Variants in PEX5L observed in about 807,000 individuals in gnomAD.
PEX5L encodes the protein peroxisomal biogenesis factor 5 like.
A neutral mutation model predicts 84.0 loss-of-function variants in PEX5L; 30 were observed. The observed-to-expected ratio is 0.36, with a 90% CI of 0.27 to 0.48. PEX5L has a LOEUF of 0.48. Among genes scored for constraint, PEX5L ranks in the 20% least tolerant of loss-of-function variants. The pLI is 0.99. For missense variants in PEX5L, 533 were observed against 754.6 expected (o/e 0.71, Z 3.44); for synonymous variants, 270 against 283.1 (o/e 0.95, Z 0.46).
At chr3:179,998,198 A>C (rs1788071047) in intron 1 of PEX5L, among the ~76,000 whole-genome samples, 1 of 152,204 alleles carries the variant, frequency 6.6e-6, no homozygotes, top group African/African-American at 2.4e-5. Flanking sequence ...AAATTGCTGC[A>C]TTTGGCCCCT....
intron 8 of PEX5L, among the ~76,000 whole-genome samples, chr3:179,839,701 AATGGAGAT>A (rs543650008): frequency 9.2e-5 from 14 of 152,308 alleles, no homozygotes; most frequent in African/African-American, 3.1e-4. Flanking sequence ...CATCCTAGGG[AATGGAGAT>A]ACAGCAGTAA....
At chr3:179,813,966 G>A (rs1475423445) in intron 10 of PEX5L, among the ~76,000 whole-genome samples, 7 of 148,382 alleles carry the variant, frequency 4.7e-5, no homozygotes, top group South Asian at 4.3e-4. Context: ...GTGAGCCACC[G>A]CGCCCGGCCA....
At chr3:179,825,860 T>C (rs1730298802) in intron 8 of PEX5L, among the ~76,000 whole-genome samples, 1 of 152,232 alleles carries the variant, frequency 6.6e-6, no homozygotes, top group African/African-American at 2.4e-5. Context: ...GAATCAGCAG[T>C]TAATGCTATT....
At chr3:179,971,569 A>C in intron 2 of PEX5L, 25 bp downstream of exon 2, 1 of 1,598,058 alleles carries the variant, frequency 6.3e-7, no homozygotes, top group African/African-American at 1.3e-5. Context: ...AGAACAGTAG[A>C]AAATGTACGT....
intron 6 of PEX5L, among the ~76,000 whole-genome samples, chr3:179,875,014 G>C (rs529594372): frequency 1.1e-4 from 17 of 151,742 alleles, no homozygotes; most frequent in African/African-American, 4.1e-4. Flanking sequence ...TACCTGTATA[G>C]CTGCAAAAAT....
intron 8 of PEX5L, among the ~76,000 whole-genome samples, chr3:179,828,646 T>G (rs1237885742): frequency 1.3e-5 from 2 of 151,974 alleles, no homozygotes; most frequent in African/African-American, 2.4e-5. Context: ...AAATGTATTT[T>G]ACCTTTAACT....
chr3:179,937,053 G>A (rs964653286), intron 2 of PEX5L, among the ~76,000 whole-genome samples: 7 of 152,098 alleles, frequency 4.6e-5, no homozygotes, highest in East Asian at 1.9e-4. Flanking sequence ...CAGTCAATAC[G>A]TTTATTGTGC....
intron 2 of PEX5L, among the ~76,000 whole-genome samples, chr3:179,931,797 T>G (rs1773191192): frequency 6.6e-6 from 1 of 152,194 alleles, no homozygotes; most frequent in South Asian, 2.1e-4. Context: ...AACTCAATTT[T>G]CTTTAACTTC....
intron 2 of PEX5L, among the ~76,000 whole-genome samples, chr3:179,936,690 G>T (rs1263804743): frequency 9.7e-6 from 1 of 103,460 alleles, no homozygotes; most frequent in African/African-American, 3.7e-5. Flanking sequence ...ACAAGGGACA[G>T]GGTGCCATGT....
chr3:179,941,890 G>A (rs1265174008), intron 2 of PEX5L, among the ~76,000 whole-genome samples: 1 of 151,684 alleles, frequency 6.6e-6, no homozygotes, highest in East Asian at 1.9e-4. Context: ...GCGTGGTGGT[G>A]GGCGCCTGTA....
At position 179,797,315 on chromosome 3, in the gene PEX5L, A is replaced by G. The variant is rs1013699190; in HGVS notation, c.*4513T>C. ...GCATGAAAACAATCTCAAGGATAGG[A>G]TAAGAAAAGCAAATAGAAAAACTGT... On this transcript the variant is annotated 3_prime_UTR_variant, in exon 15 of 15. Transcript: ENST00000467460. 2.0e-4 allele frequency: 31 copies of G among 152,316 alleles called. No homozygotes were observed. Among genetic ancestry groups the G allele is most frequent in the African/African-American group, 7.2e-4 (30 of 41,572 alleles). The allele number at this position is 152,316 out of a possible 1,614,324, so 9.4% of individuals were successfully genotyped here.
At chr3:179,924,155 A>G (rs912072742) in intron 2 of PEX5L, among the ~76,000 whole-genome samples, 7 of 152,184 alleles carry the variant, frequency 4.6e-5, no homozygotes, top group African/African-American at 1.7e-4. Context: ...TTTGACCTAG[A>G]CCACTTCTGT....
intron 2 of PEX5L, among the ~76,000 whole-genome samples, chr3:179,947,794 C>A (rs1342816946): frequency 6.6e-6 from 1 of 151,064 alleles, no homozygotes; most frequent in Non-Finnish European, 1.5e-5. Flanking sequence ...GCAAGCTCTG[C>A]CTCCTGGGTT....
intron 2 of PEX5L, among the ~76,000 whole-genome samples, chr3:179,956,728 A>G (rs1336706229): frequency 1.3e-5 from 2 of 152,166 alleles, no homozygotes; most frequent in Admixed American, 6.5e-5. Context: ...TGCCACATAG[A>G]ATATAGTTTA....
At chr3:179,971,760 G>A in intron 1 of PEX5L, 95 bp from the exon 2 acceptor site, 2 of 1,241,872 alleles carry the variant, frequency 1.6e-6, no homozygotes, top group Non-Finnish European at 2.1e-6. Flanking sequence ...TCTTAGCCTT[G>A]TTCACCAGTC....
intron 8 of PEX5L, among the ~76,000 whole-genome samples, chr3:179,840,656 A>C (rs1175852249): frequency 6.6e-6 from 1 of 152,134 alleles, no homozygotes; most frequent in Non-Finnish European, 1.5e-5. Context: ...GGTATGGATT[A>C]AGGTTTGAGC....
At chr3:179,973,783 G>A (rs1296966824) in intron 1 of PEX5L, 2 of 985,254 alleles carry the variant, frequency 2.0e-6, no homozygotes, top group Admixed American at 1.2e-4. Flanking sequence ...TTCAGGGAAG[G>A]AAATTATGTC....
chr3:179,807,576 C>G (rs551909981), intron 14 of PEX5L, 98 bp downstream of exon 14: 1 of 1,174,138 alleles, frequency 8.5e-7, no homozygotes, highest in Non-Finnish European at 1.2e-6. Flanking sequence ...AGGAATACTC[C>G]TACCAAGGCA....
chr3:179,809,702 T>C (rs1722990106), intron 11 of PEX5L, 34 bp from the exon 12 acceptor site: 1 of 1,524,414 alleles, frequency 6.6e-7, no homozygotes, highest in African/African-American at 1.4e-5. Context: ...TTCAGATTTT[T>C]TTTTGAGCCA....
Sources: allele counts gnomAD v4.1 joint callset (sites outside exome capture counted in the v4.1 genomes callset), GRCh38; gene constraint gnomAD v4.1.1; transcripts MANE v1.5; gene names NCBI Gene and HGNC (gene_info 2026-07-23, HGNC 2026-07-21).